The following OLFM4 variants were observed in gnomAD, a reference collection of about 807,000 sequenced individuals.
OLFM4 encodes the protein olfactomedin 4, also known as olfactomedin-4.
Under a neutral mutation model 25.5 loss-of-function variants are expected in OLFM4, and 22 were observed. The ratio of observed to expected loss-of-function variants is 0.86; its 90% CI spans 0.62 to 1.23. OLFM4 has a LOEUF of 1.23. Among genes scored for constraint, OLFM4 ranks in the 50% most tolerant of loss-of-function variants. The pLI is 0.00. For missense variants in OLFM4, 594 were observed against 619.4 expected (o/e 0.96, Z 0.44); for synonymous variants, 255 against 237.7 (o/e 1.07, Z -0.67).
intron 1 of OLFM4, 137 bp downstream of exon 1, chr13:53,029,177 C>T (rs952984470): frequency 1.6e-6 from 2 of 1,271,426 alleles, no homozygotes; most frequent in Non-Finnish European, 2.2e-6. Flanking sequence ...CTATAGGTGC[C>T]CCGGAAATGA....
chr13:53,036,385 A>G (rs1365684475), intron 2 of OLFM4, among the ~76,000 whole-genome samples: 1 of 152,246 alleles, frequency 6.6e-6, no homozygotes, highest in African/African-American at 2.4e-5. Flanking sequence ...TTGCTTTGAA[A>G]TAGTGGAAAC....
chr13:53,043,368 G>GTTTTTTTTTTTTTTTTTTTTTTTTTTTT (rs1184435043), intron 4 of OLFM4, 104 bp downstream of exon 4: 1 of 453,248 alleles, frequency 2.2e-6, no homozygotes, highest in Non-Finnish European at 3.2e-6. Flanking sequence ...AAGAAGGTGG[G>GTTTTTTTTTTTTTTTTTTTTTTTTTTTT]TTGTTTTTTT....
chr13:53,041,965 C>T lies in OLFM4; in HGVS notation c.413C>T (p.Thr138Ile), dbSNP rs1274233970. The change falls in exon 3 of 5, where the codon ACT becomes ATT. Residue 138 changes from threonine to isoleucine, a missense_variant. Thr to Ile is a moderately conservative substitution (Grantham distance 89). Transcript: ENST00000219022. ...TATGAAAAGAAACTGTTAAACCTAACTGTCCGAATTGACATCATGGAGAAG... is the reference window on the plus strand; with the variant it reads ...TATGAAAAGAAACTGTTAAACCTAATTGTCCGAATTGACATCATGGAGAAG... ...SVYEKKLLNLTVRIDIMEKDT... is the reference protein window; with the variant it reads ...SVYEKKLLNLIVRIDIMEKDT... 1 of 1,613,784 alleles carries T rather than the reference C, an allele frequency of 6.2e-7. No individual in the cohort carries two copies. The highest frequency in any genetic ancestry group is 8.5e-7 in the Non-Finnish European group (1 of 1,179,852).
At chr13:53,042,175 C>G (rs1048351539) in intron 3 of OLFM4, 53 bp downstream of exon 3, 25 of 1,488,714 alleles carry the variant, frequency 1.7e-5, no homozygotes, top group Non-Finnish European at 2.3e-5. Context: ...CCTTCAGTGA[C>G]TGTAAGCAAG....
chr13:53,039,354 T>C (rs988384768), intron 2 of OLFM4, among the ~76,000 whole-genome samples: 4 of 152,232 alleles, frequency 2.6e-5, no homozygotes, highest in African/African-American at 9.6e-5. Flanking sequence ...GGCAGCCCTA[T>C]ATCTGCAGTG....
chr13:53,028,815 C>T lies in OLFM4; in HGVS notation c.-22C>T, dbSNP rs539683962. ...GCCCCTGGGCTCTCTGCAGAGCCAGCGGCTCCAGCTAAGAGGACAAGATGA... is the reference window on the plus strand; with the variant it reads ...GCCCCTGGGCTCTCTGCAGAGCCAGTGGCTCCAGCTAAGAGGACAAGATGA... On this transcript the variant is annotated 5_prime_UTR_variant, in exon 1 of 5. Coordinates refer to ENST00000219022, the MANE Select transcript of OLFM4 (RefSeq NM_006418.5). 4.3e-5 allele frequency: 69 copies of T among 1,612,250 alleles called. No individual in the cohort carries two copies. The highest frequency in any genetic ancestry group is 1.3e-4 in the African/African-American group (10 of 74,938).
chr13:53,029,091 C>T (rs1335114907), intron 1 of OLFM4, 51 bp downstream of exon 1: 3 of 1,604,050 alleles, frequency 1.9e-6, no homozygotes, highest in Non-Finnish European at 2.6e-6. Context: ...CTTCCATTTG[C>T]TTTTGGGTAC....
intron 4 of OLFM4, among the ~76,000 whole-genome samples, chr13:53,047,558 C>T (rs972533711): frequency 6.6e-6 from 1 of 151,940 alleles, no homozygotes; most frequent in Non-Finnish European, 1.5e-5. Context: ...AGGAGGATAA[C>T]AAATGAACAG....
chr13:53,029,562 C>T (rs1954617940), intron 1 of OLFM4, among the ~76,000 whole-genome samples: 1 of 152,114 alleles, frequency 6.6e-6, no homozygotes, highest in African/African-American at 2.4e-5. Flanking sequence ...GCCGCAGTGC[C>T]CTAGTTGAAG....
chr13:53,041,660 T>C (rs2138237385), intron 2 of OLFM4, among the ~76,000 whole-genome samples: 1 of 152,246 alleles, frequency 6.6e-6, no homozygotes, highest in South Asian at 2.1e-4. Context: ...TACCTGCAAA[T>C]GATGATGCTG....
intron 1 of OLFM4, among the ~76,000 whole-genome samples, chr13:53,032,337 T>C (rs1954633332): frequency 6.8e-6 from 1 of 147,284 alleles, no homozygotes; most frequent in Non-Finnish European, 1.5e-5. Flanking sequence ...TAAAATGCAA[T>C]GCAAGATTTT....
At chr13:53,029,405 C>T (rs949927563) in intron 1 of OLFM4, among the ~76,000 whole-genome samples, 1 of 152,074 alleles carries the variant, frequency 6.6e-6, no homozygotes, top group Admixed American at 6.5e-5. Context: ...TTTAAAAAAC[C>T]TCTCCCCAGG....
rs560487121 is a variant in OLFM4, at chr13:53,035,382, G to A, written c.357+882G>A. Among the ~76,000 whole-genome samples, 6 of 152,136 alleles carry A rather than the reference G, an allele frequency of 3.9e-5. No homozygotes were observed. The East Asian group carries it at 9.7e-4, about 25-fold the overall frequency. On this transcript the variant is annotated intron_variant, in intron 2 of 4. Transcript: ENST00000219022. ...GGGTACATGAGATACCCTGAGACAG[G>A]CATGCAATGCGTAATAATCACATCA...
Position 53,051,496 on chromosome 13 carries a change from T to C in OLFM4, c.*725T>C. 1 of 152,106 alleles carries C rather than the reference T, an allele frequency of 6.6e-6. No homozygotes were observed. Among genetic ancestry groups the C allele is most frequent in the East Asian group, 1.9e-4 (1 of 5,184 alleles). The allele number at this position is 152,106 out of a possible 1,614,324, so 9.4% of individuals were successfully genotyped here. On this transcript the variant is annotated 3_prime_UTR_variant, in exon 5 of 5. Transcript: ENST00000219022. Reference sequence around the variant, plus strand: ...AGAATCTTCTACCTCATAACTTCCTTCCAAAGGCAGCTCAGAAGATTAGAA... The same window carrying C: ...AGAATCTTCTACCTCATAACTTCCTCCCAAAGGCAGCTCAGAAGATTAGAA...
intron 1 of OLFM4, among the ~76,000 whole-genome samples, chr13:53,032,667 A>G (rs1954635391): frequency 6.6e-6 from 1 of 152,054 alleles, no homozygotes; most frequent in African/African-American, 2.4e-5. Context: ...GAAAATTGAG[A>G]CCAAGGTAAT....
chr13:53,033,921 G>T (rs1454772853), intron 1 of OLFM4, among the ~76,000 whole-genome samples: 1 of 85,806 alleles, frequency 1.2e-5, no homozygotes, highest in East Asian at 6.2e-4. Context: ...TTAGCCAGGC[G>T]TGGTGGCGGG....
intron 2 of OLFM4, among the ~76,000 whole-genome samples, chr13:53,038,407 G>T (rs149670332): frequency 6.6e-6 from 1 of 152,030 alleles, no homozygotes; most frequent in Non-Finnish European, 1.5e-5. Flanking sequence ...AAACCTAGAG[G>T]GTGTAGCCAA....
Position 53,050,177 on chromosome 13 carries a change from A to G in OLFM4, c.939A>G (p.Leu313=), listed in dbSNP as rs370419810. Residue 313 remains leucine (L), a synonymous_variant, in exon 5 of 5, where the codon CTA becomes CTG. Transcript: ENST00000219022. ...TGTACAACACACTGGATGATTTGCT[A>G]TTGTATATAAATGCTCGAGAGTTGC... is the stretch of plus-strand genomic sequence containing the variant. ...YRLYNTLDDL[L]LYINARELRI... is the part of the protein sequence containing the mutation. 185 of 1,613,876 alleles carry G rather than the reference A, an allele frequency of 1.1e-4. 1 individual carries two copies. The highest frequency in any genetic ancestry group is 1.5e-4 in the Non-Finnish European group (173 of 1,179,952).
chr13:53,029,591 G>T (rs1174724533), intron 1 of OLFM4, among the ~76,000 whole-genome samples: 5 of 152,148 alleles, frequency 3.3e-5, no homozygotes, highest in Non-Finnish European at 7.4e-5. Flanking sequence ...ATTTCTCTTG[G>T]CCTGGTTTAT....
Sources: allele counts gnomAD v4.1 joint callset (sites outside exome capture counted in the v4.1 genomes callset), GRCh38; gene constraint gnomAD v4.1.1; transcripts MANE v1.5; gene names NCBI Gene and HGNC (gene_info 2026-07-23, HGNC 2026-07-21).